Variants in SLC16A10 observed in about 807,000 individuals in gnomAD.
SLC16A10 encodes monocarboxylate transporter 10.
A neutral mutation model predicts 40.0 loss-of-function variants in SLC16A10; 27 were observed. The ratio of observed to expected loss-of-function variants is 0.67; its 90% CI spans 0.50 to 0.93. The LOEUF (loss-of-function observed/expected upper bound fraction) is 0.93. SLC16A10 is among the 40% of genes least tolerant of loss of function. The pLI, the probability that SLC16A10 is intolerant of heterozygous loss-of-function variation, is 0.00. For missense variants in SLC16A10, 529 were observed against 658.2 expected, an observed-to-expected ratio of 0.80 and a Z score of 2.15; for synonymous variants, 213 against 249.8, an observed-to-expected ratio of 0.85 and a Z score of 1.39.
intron 4 of SLC16A10, among the ~76,000 whole-genome samples, chr6:111,218,590 G>A (rs917333487): frequency 3.3e-5 from 5 of 151,896 alleles, no homozygotes; most frequent in Admixed American, 2.0e-4. Flanking sequence ...AAAACAATAC[G>A]TTTTTTTAAT....
intron 1 of SLC16A10, among the ~76,000 whole-genome samples, chr6:111,125,433 A>G (rs1771657893): frequency 6.6e-6 from 1 of 152,176 alleles, no homozygotes; most frequent in African/African-American, 2.4e-5. Flanking sequence ...GGACACATTT[A>G]TGGTAAGATA....
At chr6:111,166,105 G>T (rs1772468522) in intron 1 of SLC16A10, among the ~76,000 whole-genome samples, 2 of 152,192 alleles carry the variant, frequency 1.3e-5, no homozygotes, top group South Asian at 4.1e-4. Context: ...GACACACAAA[G>T]CATAGCAGAT....
At chr6:111,175,007 G>A (rs1339255769) in intron 2 of SLC16A10, among the ~76,000 whole-genome samples, 1 of 152,024 alleles carries the variant, frequency 6.6e-6, no homozygotes. Context: ...TCGTTATTTA[G>A]CTTGCTGATC....
Position 111,087,701 on chromosome 6 carries a change from G to A in SLC16A10, c.-52G>A. 1 of 1,055,574 alleles carries A rather than the reference G, an allele frequency of 9.5e-7. No individual in the cohort carries two copies. The highest frequency in any genetic ancestry group is 1.2e-6 in the Non-Finnish European group (1 of 836,658). 65.4% of individuals were successfully genotyped at this position (1,055,574 alleles called of 1,614,324 possible). A position where few individuals can be genotyped will look rare whatever the true frequency, so the allele number is the denominator to read the frequency against. On this transcript the variant is annotated 5_prime_UTR_variant, in exon 1 of 6. Transcript: ENST00000368851. ...CCGCAGCTCCTCCGGGAGCCCGCTG[G>A]TAACTCGCGTCCCTCGCGCTTCTCC...
intron 3 of SLC16A10, among the ~76,000 whole-genome samples, chr6:111,182,828 C>T (rs1214921516): frequency 6.6e-6 from 1 of 152,148 alleles, no homozygotes; most frequent in Non-Finnish European, 1.5e-5. Context: ...TCTTGCACAC[C>T]ATAGTCCTGA....
intron 4 of SLC16A10, among the ~76,000 whole-genome samples, chr6:111,208,078 C>G (rs1437840837): frequency 3.3e-5 from 5 of 152,142 alleles, no homozygotes; most frequent in Non-Finnish European, 7.4e-5. Flanking sequence ...AAGCAATCCT[C>G]CCACCTCAAA....
intron 3 of SLC16A10, among the ~76,000 whole-genome samples, chr6:111,187,097 T>C (rs553816879): frequency 6.6e-6 from 1 of 152,336 alleles, no homozygotes; most frequent in South Asian, 2.1e-4. Flanking sequence ...TGCAATGGTG[T>C]GCTTTGAAAA....
chr6:111,105,001 C>G (rs1178398215), intron 1 of SLC16A10, among the ~76,000 whole-genome samples: 1 of 151,880 alleles, frequency 6.6e-6, no homozygotes, highest in African/African-American at 2.4e-5. Context: ...TATATTTTTA[C>G]TATCCCTGTC....
At chr6:111,131,553 C>G (rs1398925825) in intron 1 of SLC16A10, among the ~76,000 whole-genome samples, 1 of 152,166 alleles carries the variant, frequency 6.6e-6, no homozygotes, top group African/African-American at 2.4e-5. Flanking sequence ...CTGCCCTATT[C>G]TTCATTGGAA....
intron 1 of SLC16A10, among the ~76,000 whole-genome samples, chr6:111,155,197 CT>C (rs33948560): frequency 0.75 from 89,462 of 119,120 alleles, 32,570 homozygotes; most frequent in Non-Finnish European, 0.79. Flanking sequence ...TTCAACAGGA[CT>C]TTTTTTTTTT....
At chr6:111,130,477 T>G (rs1035926528) in intron 1 of SLC16A10, among the ~76,000 whole-genome samples, 2 of 152,184 alleles carry the variant, frequency 1.3e-5, no homozygotes, top group Non-Finnish European at 2.9e-5. Context: ...GGACTCCCCC[T>G]TTTTGGGGGA....
At chr6:111,088,242 G>C in intron 1 of SLC16A10, 147 bp downstream of exon 1, 1 of 739,456 alleles carries the variant, frequency 1.4e-6, no homozygotes, top group Middle Eastern at 3.5e-4. Flanking sequence ...CTTTCGAGTT[G>C]CAGACAGAGC....
intron 3 of SLC16A10, among the ~76,000 whole-genome samples, chr6:111,188,919 G>A (rs374788640): frequency 6.6e-6 from 1 of 152,168 alleles, no homozygotes; most frequent in Non-Finnish European, 1.5e-5. Flanking sequence ...GGTTTAAAAG[G>A]TTTGCCTAAG....
intron 1 of SLC16A10, among the ~76,000 whole-genome samples, chr6:111,104,528 G>A (rs1333637302): frequency 1.3e-5 from 2 of 152,138 alleles, no homozygotes; most frequent in African/African-American, 2.4e-5. Context: ...AAATCATGTC[G>A]ACAGCCCTAG....
At chr6:111,136,613 G>C (rs1366252917) in intron 1 of SLC16A10, among the ~76,000 whole-genome samples, 2 of 152,216 alleles carry the variant, frequency 1.3e-5, no homozygotes. Flanking sequence ...AGAAAAGATA[G>C]AACAGAACTG....
At chr6:111,144,353 G>A (rs1260599768) in intron 1 of SLC16A10, among the ~76,000 whole-genome samples, 1 of 151,986 alleles carries the variant, frequency 6.6e-6, no homozygotes, top group African/African-American at 2.4e-5. Flanking sequence ...ACAGGCACAC[G>A]CTGCTATGCC....
At chr6:111,103,587 T>G (rs749682757) in intron 1 of SLC16A10, among the ~76,000 whole-genome samples, 1 of 152,184 alleles carries the variant, frequency 6.6e-6, no homozygotes, top group African/African-American at 2.4e-5. Context: ...ACTTATTCCA[T>G]GCTCTTGAGA....
intron 1 of SLC16A10, among the ~76,000 whole-genome samples, chr6:111,152,580 C>G (rs1323205356): frequency 6.6e-6 from 1 of 152,142 alleles, no homozygotes; most frequent in Non-Finnish European, 1.5e-5. Flanking sequence ...CTGAGAAATT[C>G]AAGGAACACC....
intron 2 of SLC16A10, chr6:111,173,632 G>A (rs1772627637): frequency 6.6e-6 from 1 of 152,046 alleles, no homozygotes; most frequent in African/African-American, 2.4e-5. Context: ...ATTCTTCTAG[G>A]AGTGCAAACC....
Sources: allele counts gnomAD v4.1 joint callset (sites outside exome capture counted in the v4.1 genomes callset), GRCh38; gene constraint gnomAD v4.1.1; transcripts MANE v1.5; gene names NCBI Gene and HGNC (gene_info 2026-07-23, HGNC 2026-07-21).